TIPRL: variants seen among roughly 807,000 people sequenced by gnomAD.
The protein encoded by TIPRL is TOR signaling pathway regulator.
A neutral mutation model predicts 32.3 loss-of-function variants in TIPRL; 10 were observed. The ratio of observed to expected loss-of-function variants is 0.31; its 90% CI spans 0.19 to 0.52. The LOEUF is 0.52. TIPRL is among the 20% of genes least tolerant of loss of function. TIPRL has a pLI of 0.96. For missense variants in TIPRL, 250 were observed against 328.1 expected (o/e 0.76, Z 1.84); for synonymous variants, 100 against 114.0 (o/e 0.88, Z 0.78).
chr1:168,187,801 C>T (rs1700045909), intron 3 of TIPRL, among the ~76,000 whole-genome samples: 1 of 152,064 alleles, frequency 6.6e-6, no homozygotes, highest in African/African-American at 2.4e-5. Flanking sequence ...GGTGAAACCC[C>T]ATCTCTACAA....
At chr1:168,197,112 G>A (rs370599889) in intron 5 of TIPRL, among the ~76,000 whole-genome samples, 3 of 152,192 alleles carry the variant, frequency 2.0e-5, no homozygotes, top group East Asian at 1.9e-4. Flanking sequence ...TCAGGAGTTC[G>A]AGACCAGCCT....
Position 168,202,003 on chromosome 1 carries a change from A to G in TIPRL, c.*1957A>G, listed in dbSNP as rs1440079255. On this transcript the variant is annotated 3_prime_UTR_variant, in exon 7 of 7. Coordinates refer to ENST00000367833, the MANE Select transcript of TIPRL (RefSeq NM_152902.5). ...TTAGTTTATTCTTGTGGAGAATACC[A>G]AGAAAATGTGTATTTGCCCATTGCT... The G allele has an allele frequency of 6.6e-6, 1 of 152,042 alleles. No homozygotes were observed. Among genetic ancestry groups the G allele is most frequent in the African/African-American group, 2.4e-5 (1 of 41,400 alleles). The allele number at this position is 152,042 out of a possible 1,614,324, so 9.4% of individuals were successfully genotyped here.
intron 4 of TIPRL, among the ~76,000 whole-genome samples, chr1:168,194,585 T>G (rs2102312274): frequency 6.6e-6 from 1 of 152,342 alleles, no homozygotes; most frequent in Admixed American, 6.5e-5. Context: ...CACTGTGTAG[T>G]AATGTCAAAT....
intron 3 of TIPRL, among the ~76,000 whole-genome samples, chr1:168,185,269 A>G (rs1011429159): frequency 5.9e-5 from 9 of 152,172 alleles, no homozygotes; most frequent in Non-Finnish European, 1.0e-4. Flanking sequence ...TGGTTAGACA[A>G]AGTAGGTTTA....
At chr1:168,188,441 T>C (rs146910029) in intron 3 of TIPRL, among the ~76,000 whole-genome samples, 75 of 152,334 alleles carry the variant, frequency 4.9e-4, no homozygotes, top group African/African-American at 1.7e-3. Flanking sequence ...AAATCACTCA[T>C]AGACAATATA....
intron 3 of TIPRL, among the ~76,000 whole-genome samples, chr1:168,186,094 A>G (rs1012926545): frequency 1.1e-4 from 17 of 150,744 alleles, no homozygotes; most frequent in African/African-American, 4.1e-4. Flanking sequence ...AAAAAAAAAA[A>G]AAAAAAAAAG....
chr1:168,188,967 C>T (rs909617511), intron 3 of TIPRL, among the ~76,000 whole-genome samples: 7 of 140,356 alleles, frequency 5.0e-5, no homozygotes, highest in South Asian at 2.2e-4. Flanking sequence ...GGCAACAGAG[C>T]GAGACTCTGT....
At position 168,179,000 on chromosome 1, in the gene TIPRL, G is replaced by A. The variant is rs1699924916; in HGVS notation, c.-78G>A. The A allele has an allele frequency of 3.8e-6, 5 of 1,318,318 alleles. No individual in the cohort carries two copies. The highest frequency in any genetic ancestry group is 1.3e-5 in the South Asian group (1 of 74,608). The allele number at this position is 1,318,318 out of a possible 1,614,324, so 81.7% of individuals were successfully genotyped here. A position where few individuals can be genotyped will look rare whatever the true frequency, so the allele number is the denominator to read the frequency against. ...GGAAGCCTAGGAGGCTGGGCCGGAG[G>A]GAGGCGGAGGAACCGGTGTTCGCCG... On this transcript the variant is annotated 5_prime_UTR_variant, in exon 1 of 7. Coordinates refer to ENST00000367833, the MANE Select transcript of TIPRL (RefSeq NM_152902.5).
At position 168,200,072 on chromosome 1, in the gene TIPRL, T is replaced by C; in HGVS notation, c.*26T>C. 6.2e-7 allele frequency: 1 copy of C among 1,607,510 alleles called. No homozygotes were observed. Among genetic ancestry groups the C allele is most frequent in the Non-Finnish European group, 8.5e-7 (1 of 1,177,414 alleles). ...AATGTGATACAACATATACTCACTATGGAATCTGACTGGACACCTTGGCTA... is the reference window on the plus strand; with the variant it reads ...AATGTGATACAACATATACTCACTACGGAATCTGACTGGACACCTTGGCTA... On this transcript the variant is annotated 3_prime_UTR_variant, in exon 7 of 7. Coordinates refer to ENST00000367833, the MANE Select transcript of TIPRL (RefSeq NM_152902.5).
intron 1 of TIPRL, among the ~76,000 whole-genome samples, chr1:168,183,127 T>C (rs1043246221): frequency 6.6e-6 from 1 of 152,192 alleles, no homozygotes; most frequent in African/African-American, 2.4e-5. Context: ...TTTCATATTA[T>C]TATAGTCTCT....
intron 3 of TIPRL, among the ~76,000 whole-genome samples, chr1:168,188,285 G>A (rs1161633023): frequency 6.6e-6 from 1 of 152,028 alleles, no homozygotes. Context: ...GAGGATTTTT[G>A]TTTAGTTCTG....
rs1699929330 is a variant in TIPRL, at chr1:168,179,195, G to C, written c.104+14G>C. On this transcript the variant is annotated intron_variant, in intron 1 of 6. Transcript: ENST00000367833. ...GGATGTGGAGAAGTGAGGCTTCGGG[G>C]CACGGGGTCTGGGCGCTGGCCGGTT... is the stretch of plus-strand genomic sequence containing the variant. 8 of 1,612,640 alleles carry C rather than the reference G, an allele frequency of 5.0e-6. No homozygotes were observed. Among genetic ancestry groups the C allele is most frequent in the Non-Finnish European group, 6.8e-6 (8 of 1,179,006 alleles).
In TIPRL at chr1:168,184,820, A is replaced by G; in HGVS notation, c.326A>G (p.Asp109Gly). 6.2e-7 allele frequency: 1 copy of G among 1,612,938 alleles called. No homozygotes were observed. Among genetic ancestry groups the G allele is most frequent in the Non-Finnish European group, 8.5e-7 (1 of 1,179,348 alleles). ...TCCAAAGAGGTTATTAAACCATATG[A>G]TTGGACCTATACAACAGATTATAAG... ...EHSKEVIKPY[D>G]WTYTTDYKGT... The change falls in exon 3 of 7, where the codon GAT becomes GGT. Residue 109 changes from aspartate to glycine, a missense_variant. Coordinates refer to ENST00000367833, the MANE Select transcript of TIPRL (RefSeq NM_152902.5).
intron 3 of TIPRL, among the ~76,000 whole-genome samples, chr1:168,187,115 A>G (rs1700036582): frequency 6.6e-6 from 1 of 152,244 alleles, no homozygotes; most frequent in South Asian, 2.1e-4. Context: ...CCTTGGATAC[A>G]GCAGAGCAGA....
intron 1 of TIPRL, among the ~76,000 whole-genome samples, chr1:168,182,688 C>T (rs2102305333): frequency 6.6e-6 from 1 of 152,294 alleles, no homozygotes; most frequent in East Asian, 1.9e-4. Context: ...CACTGAAGGA[C>T]TGTAAATTAG....
intron 5 of TIPRL, among the ~76,000 whole-genome samples, chr1:168,197,431 A>G (rs1700170174): frequency 6.6e-6 from 1 of 152,170 alleles, no homozygotes; most frequent in Non-Finnish European, 1.5e-5. Flanking sequence ...GGTTATAGTG[A>G]TAGACCTTTT....
intron 5 of TIPRL, 33 bp downstream of exon 5, chr1:168,196,675 GAT>G (rs1700156388): frequency 1.4e-6 from 2 of 1,428,938 alleles, no homozygotes; most frequent in Non-Finnish European, 1.9e-6. Context: ...TATACTAATT[GAT>G]ACTGGGCTTG....
Position 168,191,415 on chromosome 1 carries a change from G to A in TIPRL, c.431G>A (p.Arg144Lys). ...ATAGATACAGAAAAATTGAAAGCCA[G>A]AGAACAGATTAAGTTTTTTGAAGAA... ...DHIDTEKLKA[R>K]EQIKFFEEVL... The change falls in exon 4 of 7, where the codon AGA (arginine) becomes AAA (lysine). Residue 144 changes from arginine to lysine, a missense_variant. By Grantham distance (26) the Arg-to-Lys change is conservative. Coordinates refer to ENST00000367833, the MANE Select transcript of TIPRL (RefSeq NM_152902.5). 1 of 1,532,420 alleles carries A rather than the reference G, an allele frequency of 6.5e-7. No homozygotes were observed. The highest frequency in any genetic ancestry group is 8.7e-7 in the Non-Finnish European group (1 of 1,150,838). 94.9% of individuals were successfully genotyped at this position (1,532,420 alleles called of 1,614,324 possible).
intron 1 of TIPRL, among the ~76,000 whole-genome samples, chr1:168,182,287 T>C (rs1003102471): frequency 1.3e-5 from 2 of 152,058 alleles, no homozygotes; most frequent in Non-Finnish European, 2.9e-5. Context: ...TCCTTGTAAC[T>C]AGTTATACCT....
Sources: gnomAD v4.1 joint callset for allele counts (sites outside exome capture counted in the v4.1 genomes callset) on GRCh38, gnomAD v4.1.1 for gene constraint, MANE v1.5 for transcripts, NCBI Gene and HGNC (gene_info 2026-07-23, HGNC 2026-07-21) for gene names.